Variants in VWA3B observed in about 807,000 individuals in gnomAD.
The protein encoded by VWA3B is von Willebrand factor A domain containing 3B.
VWA3B carries 138 observed loss-of-function variants against 158.3 expected under a neutral mutation model. The ratio of observed to expected loss-of-function variants is 0.87; its 90% CI spans 0.76 to 1.00. The LOEUF is 1.00. VWA3B is among the 50% of genes least tolerant of loss of function. The pLI is 0.00. For missense variants in VWA3B, 1,555 were observed against 1,565.1 expected (o/e 0.99, Z 0.11); for synonymous variants, 596 against 587.3 (o/e 1.01, Z -0.21).
At position 98,181,169 on chromosome 2, in the gene VWA3B, A is replaced by C. The variant is rs113067837; in HGVS notation, c.1268A>C (p.Asp423Ala). 3 of 1,614,204 alleles carry C rather than the reference A, an allele frequency of 1.9e-6. No individual in the cohort carries two copies. The Admixed American group carries it at 5.0e-5, about 27-fold the overall frequency. The part of the protein sequence containing the change: ...CSFRHADGVV[D>A]IKAKPENESV... ...TTCCGCCACGCTGATGGGGTTGTGG[A>C]TATAAAAGCCAAACCGGAGAATGAG... The change falls in exon 9 of 28, where the codon GAT becomes GCT. Residue 423 changes from aspartate to alanine, a missense_variant. Coordinates refer to ENST00000477737, the MANE Select transcript of VWA3B (RefSeq NM_144992.5).
intron 26 of VWA3B, among the ~76,000 whole-genome samples, chr2:98,304,178 T>A (rs1690370942): frequency 6.6e-6 from 1 of 152,164 alleles, no homozygotes; most frequent in African/African-American, 2.4e-5. Context: ...GGCCCTGGCT[T>A]GCCTGTAGCC....
At position 98,125,778 on chromosome 2, in the gene VWA3B, C is replaced by A. The variant is rs1470487614; in HGVS notation, c.703-2461C>A. On this transcript the variant is annotated intron_variant, in intron 5 of 27. Coordinates refer to ENST00000477737, the MANE Select transcript of VWA3B (RefSeq NM_144992.5). The surrounding 1 kb of genome is among the most constrained non-coding windows in gnomAD (Gnocchi z 4.1). ...TCCCAGGTTCACGCCATTCTCCTGC[C>A]TCAGCCTCCCCAGTAGCTGGGACTA... 6.6e-6 allele frequency among the ~76,000 whole-genome samples: 1 copy of A among 152,222 alleles called. No homozygotes were observed. The highest frequency in any genetic ancestry group is 2.4e-5 in the African/African-American group (1 of 41,450).
chr2:98,140,244 C>T (rs977604189), intron 7 of VWA3B, among the ~76,000 whole-genome samples: 4 of 152,244 alleles, frequency 2.6e-5, no homozygotes, highest in African/African-American at 9.6e-5. Context: ...CAATTCCGGA[C>T]ACAACCGCAT....
At chr2:98,155,036 T>C (rs1677940825) in intron 7 of VWA3B, among the ~76,000 whole-genome samples, 1 of 152,178 alleles carries the variant, frequency 6.6e-6, no homozygotes, top group Non-Finnish European at 1.5e-5. Context: ...AGTTCTGTCC[T>C]CAAGGAAGTC....
At chr2:98,324,986 A>G in the VWA3B span, among the ~76,000 whole-genome samples, 4 of 152,192 alleles carry the variant, frequency 2.6e-5, no homozygotes, top group Non-Finnish European at 5.9e-5. Context: ...GAGACTGATC[A>G]ATAGAAATTG....
intron 19 of VWA3B, among the ~76,000 whole-genome samples, chr2:98,244,891 G>A (rs923183808): frequency 6.6e-6 from 1 of 151,750 alleles, no homozygotes; most frequent in African/African-American, 2.4e-5. Context: ...CTCACAGTGG[G>A]GAGAATTCTA....
rs995713472 is a variant in VWA3B, at chr2:98,128,341, T to G, written c.805T>G (p.Ser269Ala). ...GATCCCGTGTCCAGTCTACACAGTG[T>G]CCTTCAACGCCAGAGGAGAAGGCAC... is the stretch of plus-strand genomic sequence containing the variant. The part of the protein sequence containing the change: ...LEIPCPVYTV[S>A]FNARGEGTIA... Residue 269 changes from serine to alanine, a missense_variant, in exon 6 of 28, where the codon TCC becomes GCC. Coordinates refer to ENST00000477737, the MANE Select transcript of VWA3B (RefSeq NM_144992.5). 1 of 1,614,118 alleles carries G rather than the reference T, an allele frequency of 6.2e-7. No individual in the cohort carries two copies. The highest frequency in any genetic ancestry group is 8.5e-7 in the Non-Finnish European group (1 of 1,180,012).
At chr2:98,278,337 C>A (rs540622259) in intron 22 of VWA3B, among the ~76,000 whole-genome samples, 1 of 152,308 alleles carries the variant, frequency 6.6e-6, no homozygotes, top group East Asian at 1.9e-4. Context: ...GAGGAGTACC[C>A]ACAACCCCTG....
chr2:98,092,161 C>T (rs1038279451), intron 1 of VWA3B, among the ~76,000 whole-genome samples: 2 of 152,122 alleles, frequency 1.3e-5, no homozygotes, highest in African/African-American at 2.4e-5. Context: ...TTCCCAACCG[C>T]CACCAGCTCC....
At chr2:98,213,260 G>A (rs1400673728) in intron 13 of VWA3B, among the ~76,000 whole-genome samples, 1 of 152,122 alleles carries the variant, frequency 6.6e-6, no homozygotes, top group Non-Finnish European at 1.5e-5. Flanking sequence ...GTTGGGTTGA[G>A]GAAGACTGTG....
intron 12 of VWA3B, among the ~76,000 whole-genome samples, chr2:98,198,515 T>C (rs1682251826): frequency 6.6e-6 from 1 of 150,896 alleles, no homozygotes; most frequent in African/African-American, 2.4e-5. Context: ...TTCCTCCACA[T>C]CCTAGTTGAA....
At chr2:98,242,203 A>G (rs917469253) in intron 19 of VWA3B, 4 of 455,300 alleles carry the variant, frequency 8.8e-6, no homozygotes, top group African/African-American at 8.0e-5. Flanking sequence ...TTCATTCATC[A>G]CTTATGTATG....
At position 98,133,928 on chromosome 2, in the gene VWA3B, A is replaced by G; in HGVS notation, c.977A>G (p.Lys326Arg). Residue 326 changes from lysine (K) to arginine (R), a missense_variant, in exon 7 of 28, where the codon AAA (lysine) becomes AGA (arginine). By Grantham distance (26) the Lys-to-Arg change is conservative. Transcript: ENST00000477737. ...TGGAATTCAAGGAAACTGAAAGGAA[A>G]ACTCCCTCCAGGTACCTGGAATCCA... is the stretch of plus-strand genomic sequence containing the variant. ...MTWNSRKLKG[K>R]LPPGAGVRED... 1 of 1,614,152 alleles carries G rather than the reference A, an allele frequency of 6.2e-7. No homozygotes were observed. Among genetic ancestry groups the G allele is most frequent in the Non-Finnish European group, 8.5e-7 (1 of 1,179,992 alleles).
intron 3 of VWA3B, among the ~76,000 whole-genome samples, chr2:98,117,534 G>C (rs1286076677): frequency 2.0e-5 from 3 of 152,130 alleles, no homozygotes; most frequent in Non-Finnish European, 2.9e-5. Flanking sequence ...AGGGGCTGCT[G>C]GCAATGCTCT....
chr2:98,240,877 A>C (rs1417531856), intron 19 of VWA3B, among the ~76,000 whole-genome samples: 2 of 152,188 alleles, frequency 1.3e-5, no homozygotes, highest in East Asian at 3.8e-4. Flanking sequence ...AGTACTTAGC[A>C]GGCACTTAAA....
At chr2:98,138,171 A>C (rs141363680) in intron 7 of VWA3B, among the ~76,000 whole-genome samples, 113 of 152,256 alleles carry the variant, frequency 7.4e-4, no homozygotes, top group Non-Finnish European at 1.2e-3. Context: ...GGGCCATGTG[A>C]ACTTGCTCTC....
chr2:98,113,908 C>T (rs1674332334), intron 2 of VWA3B, among the ~76,000 whole-genome samples: 1 of 152,044 alleles, frequency 6.6e-6, no homozygotes, highest in South Asian at 2.1e-4. Flanking sequence ...ATCCATTTAC[C>T]AGTTGATAGA....
At chr2:98,225,890 G>A (rs139874757) in intron 14 of VWA3B, among the ~76,000 whole-genome samples, 4 of 152,332 alleles carry the variant, frequency 2.6e-5, no homozygotes, top group African/African-American at 9.6e-5. Flanking sequence ...AGTATGTACA[G>A]CAGTTTTATG....
intron 8 of VWA3B, among the ~76,000 whole-genome samples, chr2:98,173,223 A>G (rs1216918043): frequency 6.6e-6 from 1 of 152,254 alleles, no homozygotes; most frequent in Non-Finnish European, 1.5e-5. Flanking sequence ...TTATGCAACC[A>G]GAAGCGAATG....
Sources: allele counts gnomAD v4.1 joint callset (sites outside exome capture counted in the v4.1 genomes callset), GRCh38; gene constraint gnomAD v4.1.1; non-coding constraint Gnocchi (gnomAD v3.1); transcripts MANE v1.5; gene names NCBI Gene and HGNC (gene_info 2026-07-23, HGNC 2026-07-21).